CEP164: variants seen among roughly 807,000 people sequenced by gnomAD.
The protein encoded by CEP164 is centrosomal protein of 164 kDa.
In CEP164, 162 loss-of-function variants were observed where a neutral mutation model predicts 182.7. The ratio of observed to expected loss-of-function variants is 0.89; its 90% CI spans 0.78 to 1.01. CEP164 has a LOEUF of 1.01. Ranked by LOEUF, CEP164 falls within the 50% of genes least tolerant of loss-of-function variation. The probability of loss-of-function intolerance (pLI) is 0.00; values close to 1 mark genes in which losing one functional copy is unlikely to be tolerated. For missense variants in CEP164, 1,735 were observed against 1,790.4 expected (o/e 0.97, Z 0.56); for synonymous variants, 661 against 690.0 (o/e 0.96, Z 0.66).
At chr11:117,328,566 C>CAT (rs1278315261) in intron 1 of CEP164, among the ~76,000 whole-genome samples, 1 of 152,188 alleles carries the variant, frequency 6.6e-6, no homozygotes, top group Non-Finnish European at 1.5e-5. Context: ...CCATCTCTTG[C>CAT]GTTATCAGCT....
intron 15 of CEP164, among the ~76,000 whole-genome samples, chr11:117,390,516 G>A (rs990902858): frequency 1.3e-5 from 2 of 151,754 alleles, no homozygotes; most frequent in Non-Finnish European, 2.9e-5. Context: ...CATGCCTGTG[G>A]TCCCAACTAC....
intron 8 of CEP164, 103 bp downstream of exon 8, chr11:117,363,609 C>A: frequency 1.3e-6 from 1 of 763,454 alleles, no homozygotes; most frequent in Non-Finnish European, 2.1e-6. Flanking sequence ...GGAAAAAGAA[C>A]CATTTTGTCC....
chr11:117,390,657 A>G, intron 15 of CEP164, 120 bp from the exon 16 acceptor site: 33 of 1,061,592 alleles, frequency 3.1e-5, no homozygotes, highest in Middle Eastern at 3.2e-4. Context: ...AAAAAAAAAA[A>G]GATTTAGGAA....
intron 1 of CEP164, among the ~76,000 whole-genome samples, chr11:117,328,980 C>G (rs1021521421): frequency 6.6e-6 from 1 of 152,214 alleles, no homozygotes; most frequent in African/African-American, 2.4e-5. Context: ...CTCACAGACA[C>G]TGACTTAGTT....
chr11:117,404,516 C>A (rs2046461775), intron 27 of CEP164, among the ~76,000 whole-genome samples: 1 of 152,208 alleles, frequency 6.6e-6, no homozygotes, highest in South Asian at 2.1e-4. Flanking sequence ...CCTTTTCCTT[C>A]CTCTGGAAGC....
At chr11:117,340,464 G>A (rs1038497855) in intron 3 of CEP164, among the ~76,000 whole-genome samples, 3 of 152,192 alleles carry the variant, frequency 2.0e-5, no homozygotes, top group African/African-American at 7.2e-5. Context: ...CACAATTCTT[G>A]CATCTCTAGG....
rs1398297600 is a variant in CEP164, at chr11:117,409,532, T to C, written c.3749-86T>C. On this transcript the variant is annotated intron_variant, in intron 29 of 32. Transcript: ENST00000278935. The surrounding 1 kb of genome is among the most constrained non-coding windows in gnomAD (Gnocchi z 4.4). The stretch of plus-strand genomic sequence containing the variant: ...TGGAGAAGCAGGGAGGGGTGGCCAG[T>C]AGGGTCCTCCATGACAGCTGTGTCT... The C allele has an allele frequency of 1.6e-6, 2 of 1,244,078 alleles. No individual in the cohort carries two copies. Among genetic ancestry groups the C allele is most frequent in the Non-Finnish European group, 2.3e-6 (2 of 884,254 alleles). 77.1% of individuals were successfully genotyped at this position (1,244,078 alleles called of 1,614,324 possible).
At position 117,395,781 on chromosome 11, in the gene CEP164, C is replaced by T. The variant is rs1592394325; in HGVS notation, c.3089+59C>T. 26 of 1,542,088 alleles carry T rather than the reference C, an allele frequency of 1.7e-5. No individual in the cohort carries two copies. In the East Asian group the frequency reaches 4.5e-4, roughly 27 times the overall value. On this transcript the variant is annotated intron_variant, in intron 24 of 32. Coordinates refer to ENST00000278935, the MANE Select transcript of CEP164 (RefSeq NM_014956.5). ...CTGCCTCCTGCCTGCCCTCTGACCT[C>T]TGCTGCTTGTGTCATGGCCCAGTTA...
chr11:117,373,769 C>T lies in CEP164; in HGVS notation c.1171C>T (p.His391Tyr). 6.2e-7 allele frequency: 1 copy of T among 1,614,144 alleles called. No homozygotes were observed. Among genetic ancestry groups the T allele is most frequent in the Non-Finnish European group, 8.5e-7 (1 of 1,180,000 alleles). ...DASQELEISE[H>Y]MKEPQLSDSI... The stretch of plus-strand genomic sequence containing the variant: ...TCTCCAGGAACTGGAAATTAGTGAA[C>T]ACATGAAGGAACCACAGCTCTCAGA... Residue 391 changes from histidine to tyrosine, a missense_variant, in exon 10 of 33, where the codon CAC (histidine) becomes TAC (tyrosine). His to Tyr is a moderately conservative substitution (Grantham distance 83). Coordinates refer to ENST00000278935, the MANE Select transcript of CEP164 (RefSeq NM_014956.5).
intron 4 of CEP164, among the ~76,000 whole-genome samples, chr11:117,348,062 C>G (rs553024008): frequency 6.6e-6 from 1 of 151,948 alleles, no homozygotes; most frequent in East Asian, 1.9e-4. Context: ...CTCTACCTCC[C>G]GGGTTCAAGC....
chr11:117,337,622 TCTGA>T (rs1464508910), intron 2 of CEP164, among the ~76,000 whole-genome samples: 3 of 152,136 alleles, frequency 2.0e-5, no homozygotes, highest in East Asian at 1.9e-4. Flanking sequence ...CTGGGTCTGT[TCTGA>T]CTGTCTCTTC....
intron 14 of CEP164, chr11:117,386,342 C>T (rs1302862583): frequency 6.6e-6 from 1 of 152,232 alleles, no homozygotes; most frequent in Non-Finnish European, 1.5e-5. Flanking sequence ...TCAGAATGTT[C>T]TCAGGATTCC....
Position 117,371,213 on chromosome 11 carries a change from G to C in CEP164, c.899G>C (p.Gly300Ala), listed in dbSNP as rs550971720. ...AGTCTGAGCAGTGCTGTTGGCAAAGGGCGACAGGGAAGTGGAGCAAGACCT... is the reference window on the plus strand; with the variant it reads ...AGTCTGAGCAGTGCTGTTGGCAAAGCGCGACAGGGAAGTGGAGCAAGACCT... Reference protein sequence around the residue: ...DSSLSSAVGKGRQGSGARPGL... With the variant: ...DSSLSSAVGKARQGSGARPGL... Residue 300 changes from glycine to alanine, a missense_variant, in exon 9 of 33, where the codon GGG becomes GCG. Physicochemically the swap from Gly to Ala is moderately conservative, Grantham distance 60 (BLOSUM62 0). Transcript: ENST00000278935. 3.8e-5 allele frequency: 61 copies of C among 1,614,202 alleles called. No homozygotes were observed. In the South Asian group the frequency reaches 6.5e-4, roughly 17 times the overall value.
rs2043339542 is a variant in CEP164, at chr11:117,381,761, TGAA to T, written c.1476_1478del (p.Glu493del). ...AGAGTCCCCCTCGCAGCCTGGCCAC[TGAA>T]GAAGAGCCTCCCCAGGGCCCCGAGG... is the stretch of plus-strand genomic sequence containing the variant. On this transcript the variant is annotated inframe_deletion, in exon 13 of 33. Coordinates refer to ENST00000278935, the MANE Select transcript of CEP164 (RefSeq NM_014956.5). The T allele has an allele frequency of 8.1e-6, 13 of 1,607,986 alleles. No homozygotes were observed. Among genetic ancestry groups the T allele is most frequent in the African/African-American group, 1.3e-5 (1 of 74,754 alleles).
At position 117,382,930 on chromosome 11, in the gene CEP164, T is replaced by C; in HGVS notation, c.1712T>C (p.Val571Ala). The change falls in exon 14 of 33, where the codon GTC becomes GCC. Residue 571 changes from valine (V) to alanine (A), a missense_variant. Physicochemically the swap from Val to Ala is moderately conservative, Grantham distance 64 (BLOSUM62 0). Transcript: ENST00000278935. ...EKVAVSPTPPVSPEVRSTEPV... is the reference protein window; with the variant it reads ...EKVAVSPTPPASPEVRSTEPV... ...GTGGCGGTCAGCCCCACCCCGCCAG[T>C]CTCTCCAGAGGTGTAAGGGCCAGTT... 6.2e-7 allele frequency: 1 copy of C among 1,613,354 alleles called. No individual in the cohort carries two copies. The highest frequency in any genetic ancestry group is 8.5e-7 in the Non-Finnish European group (1 of 1,179,954).
In CEP164 at chr11:117,376,323, T is replaced by A. The variant is rs553483704; in HGVS notation, c.1317+532T>A. On this transcript the variant is annotated intron_variant, in intron 11 of 32. Transcript: ENST00000278935. ...CCCTTTCTTTGCTCCGTTTAGTCACTCTTGTTTTGTTTGATGGTTGTTTGT... is the reference window on the plus strand; with the variant it reads ...CCCTTTCTTTGCTCCGTTTAGTCACACTTGTTTTGTTTGATGGTTGTTTGT... 3.9e-5 allele frequency among the ~76,000 whole-genome samples: 6 copies of A among 152,344 alleles called. No homozygotes were observed. In the East Asian group the frequency reaches 5.8e-4, roughly 15 times the overall value.
chr11:117,376,675 G>A (rs1337200665), intron 11 of CEP164, among the ~76,000 whole-genome samples: 1 of 152,224 alleles, frequency 6.6e-6, no homozygotes, highest in South Asian at 2.1e-4. Flanking sequence ...AGGCAGGCCA[G>A]TTGCATTTGA....
chr11:117,394,465 AGGACTTGC>A lies in CEP164; in HGVS notation c.2735_2742del (p.Asp912AlafsTer18). The A allele has an allele frequency of 6.2e-7, 1 of 1,614,036 alleles. No individual in the cohort carries two copies. Among genetic ancestry groups the A allele is most frequent in the Non-Finnish European group, 8.5e-7 (1 of 1,179,996 alleles). ...AGGCAGGAGCAACACAAGCGTCTTG[AGGACTTGC>A]GGCGCCGGCACAGGGAGCAGGTGAG... On this transcript the variant is annotated frameshift_variant, in exon 21 of 33. Coordinates refer to ENST00000278935, the MANE Select transcript of CEP164 (RefSeq NM_014956.5). LOFTEE classifies it high-confidence loss of function. This position sits in a 1 kb window ranked among gnomAD's most constrained non-coding sequence, Gnocchi z 4.0.
At chr11:117,330,424 G>A (rs1272990) in intron 1 of CEP164, among the ~76,000 whole-genome samples, 1 of 152,158 alleles carries the variant, frequency 6.6e-6, no homozygotes, top group African/African-American at 2.4e-5. Flanking sequence ...AGGCCAAGGC[G>A]GGCGGATCAC....
Sources: gnomAD v4.1 joint callset for allele counts (sites outside exome capture counted in the v4.1 genomes callset) on GRCh38, gnomAD v4.1.1 for gene constraint, Gnocchi (gnomAD v3.1) non-coding constraint, MANE v1.5 for transcripts, NCBI Gene and HGNC (gene_info 2026-07-23, HGNC 2026-07-21) for gene names.